Variants in NCKAP5 observed in about 807,000 individuals in gnomAD.
NCKAP5 encodes the protein NCK associated protein 5, also known as nck-associated protein 5.
A neutral mutation model predicts 167.0 loss-of-function variants in NCKAP5; 92 were observed. The observed-to-expected ratio is 0.55, with a 90% CI of 0.47 to 0.66. The LOEUF (loss-of-function observed/expected upper bound fraction) is 0.66, where lower values mean the gene tolerates loss of function less well. Ranked by LOEUF, NCKAP5 falls within the 30% of genes least tolerant of loss-of-function variation. The pLI is 0.00. For synonymous variants in NCKAP5, 891 were observed against 877.4 expected (o/e 1.02, Z -0.27); for missense variants, 2,378 against 2,315.0 (o/e 1.03, Z -0.56).
chr2:132,788,577 T>C (rs954434515), intron 13 of NCKAP5, among the ~76,000 whole-genome samples: 1 of 152,126 alleles, frequency 6.6e-6, no homozygotes, highest in African/African-American at 2.4e-5. Flanking sequence ...GCCTACTTAA[T>C]AGGCGACTGG....
At chr2:133,374,304 G>C (rs1685995278) in intron 3 of NCKAP5, among the ~76,000 whole-genome samples, 1 of 152,198 alleles carries the variant, frequency 6.6e-6, no homozygotes, top group Admixed American at 6.5e-5. Context: ...AAAAGGAAAA[G>C]CTATAGAGAA....
intron 11 of NCKAP5, among the ~76,000 whole-genome samples, chr2:132,810,476 C>A (rs574365279): frequency 6.6e-6 from 1 of 152,180 alleles, no homozygotes; most frequent in Admixed American, 6.5e-5. Flanking sequence ...TTTTCTTATT[C>A]TTTTTTTCAT....
chr2:132,857,714 C>A (rs1689582785), intron 11 of NCKAP5, among the ~76,000 whole-genome samples: 1 of 152,124 alleles, frequency 6.6e-6, no homozygotes, highest in Admixed American at 6.6e-5. Context: ...TTTATTGCCA[C>A]CCATAGTCCC....
the NCKAP5 span, among the ~76,000 whole-genome samples, chr2:133,657,154 G>GCCA: frequency 6.6e-6 from 1 of 152,110 alleles, no homozygotes; most frequent in Admixed American, 6.5e-5. Context: ...TTCTCCCAAT[G>GCCA]CCACCACCAC....
intron 11 of NCKAP5, among the ~76,000 whole-genome samples, chr2:132,854,437 T>A (rs761846157): frequency 3.3e-5 from 5 of 152,192 alleles, no homozygotes; most frequent in Admixed American, 1.3e-4. Flanking sequence ...GGAGTTGTGA[T>A]CTTATTCCAG....
intron 6 of NCKAP5, among the ~76,000 whole-genome samples, chr2:132,994,594 A>G (rs1328209361): frequency 3.3e-5 from 5 of 152,080 alleles, no homozygotes; most frequent in Non-Finnish European, 5.9e-5. Context: ...TTAAACACCA[A>G]TTTTCAAAGT....
At chr2:132,751,431 C>T (rs1208404462) in intron 16 of NCKAP5, among the ~76,000 whole-genome samples, 1 of 152,090 alleles carries the variant, frequency 6.6e-6, no homozygotes, top group Non-Finnish European at 1.5e-5. Context: ...GATAAATTAC[C>T]CAGCACAGCC....
intron 16 of NCKAP5, among the ~76,000 whole-genome samples, chr2:132,756,932 G>C (rs114209677): frequency 6.6e-6 from 1 of 152,094 alleles, no homozygotes; most frequent in Non-Finnish European, 1.5e-5. Flanking sequence ...AGGCAGAGAC[G>C]GTTTATCACC....
chr2:133,641,218 A>T, the NCKAP5 span, among the ~76,000 whole-genome samples: 9 of 152,238 alleles, frequency 5.9e-5, no homozygotes, highest in African/African-American at 2.2e-4. Context: ...CTGCTTTCTC[A>T]TAGTAAAATG....
At chr2:133,172,173 A>C (rs1403642092) in intron 5 of NCKAP5, among the ~76,000 whole-genome samples, 1 of 152,244 alleles carries the variant, frequency 6.6e-6, no homozygotes, top group African/African-American at 2.4e-5. Context: ...ATCTATACTT[A>C]AATAAATTCC....
intron 3 of NCKAP5, among the ~76,000 whole-genome samples, chr2:133,379,441 G>A (rs984790586): frequency 1.3e-5 from 2 of 152,118 alleles, no homozygotes; most frequent in Non-Finnish European, 1.5e-5. Context: ...GGATAGTGAC[G>A]ATCTCATCAT....
intron 4 of NCKAP5, among the ~76,000 whole-genome samples, chr2:133,285,682 G>A (rs1389322162): frequency 1.3e-5 from 2 of 152,108 alleles, no homozygotes; most frequent in Non-Finnish European, 2.9e-5. Context: ...AGAGCAACTC[G>A]AAGAATCTTA....
intron 5 of NCKAP5, among the ~76,000 whole-genome samples, chr2:133,202,228 A>G (rs954149356): frequency 1.3e-5 from 2 of 152,094 alleles, no homozygotes; most frequent in African/African-American, 4.8e-5. Flanking sequence ...CAGAAATAAT[A>G]CCACACATCT....
At chr2:132,879,336 A>C (rs1358487080) in intron 8 of NCKAP5, among the ~76,000 whole-genome samples, 5 of 152,260 alleles carry the variant, frequency 3.3e-5, no homozygotes, top group African/African-American at 4.8e-5. Flanking sequence ...AAAGTCATGA[A>C]AGCATAATTC....
the NCKAP5 span, among the ~76,000 whole-genome samples, chr2:133,617,320 A>G: frequency 6.6e-6 from 1 of 152,122 alleles, no homozygotes; most frequent in South Asian, 2.1e-4. Flanking sequence ...AGGCAGGAGA[A>G]GGAAATAAAA....
chr2:133,231,833 C>T (rs143143887), intron 4 of NCKAP5, among the ~76,000 whole-genome samples: 1 of 152,148 alleles, frequency 6.6e-6, no homozygotes, highest in African/African-American at 2.4e-5. Context: ...ATAAATCTTA[C>T]AAGAAAACAA....
chr2:133,571,007 AG>A (rs1013522928), upstream of NCKAP5, among the ~76,000 whole-genome samples: 36 of 151,784 alleles, frequency 2.4e-4, no homozygotes, highest in African/African-American at 7.8e-4. Context: ...GTTTTTCTTT[AG>A]GGGGGAAAAA....
intron 3 of NCKAP5, among the ~76,000 whole-genome samples, chr2:133,304,916 C>T (rs915955745): frequency 1.3e-5 from 2 of 152,138 alleles, no homozygotes; most frequent in African/African-American, 4.8e-5. Context: ...GGAGGAGCAG[C>T]TTTGTCACGT....
At chr2:132,904,242 G>A (rs1489063442) in intron 8 of NCKAP5, among the ~76,000 whole-genome samples, 1 of 150,820 alleles carries the variant, frequency 6.6e-6, no homozygotes, top group Non-Finnish European at 1.5e-5. Flanking sequence ...GAGCTGAGAT[G>A]GCGCCACTGC....
Sources: gnomAD v4.1 joint callset for allele counts (sites outside exome capture counted in the v4.1 genomes callset) on GRCh38, gnomAD v4.1.1 for gene constraint, MANE v1.5 for transcripts, NCBI Gene and HGNC (gene_info 2026-07-23, HGNC 2026-07-21) for gene names.